The following SAMMSON variants were observed in gnomAD, a reference collection of about 807,000 sequenced individuals.
SAMMSON encodes long intergenic non-protein coding RNA 1212.
intron 4 of SAMMSON, among the ~76,000 whole-genome samples, chr3:70,148,314 A>G (rs1200754751): frequency 1.3e-5 from 2 of 152,122 alleles, no homozygotes; most frequent in African/African-American, 2.4e-5. Context: ...AGTTCACACA[A>G]GAAACTACAC....
At chr3:70,104,719 C>G (rs2067360183) in intron 4 of SAMMSON, among the ~76,000 whole-genome samples, 1 of 152,104 alleles carries the variant, frequency 6.6e-6, no homozygotes, top group African/African-American at 2.4e-5. Context: ...CAGAAACTTG[C>G]TTTTGTGGCA....
At chr3:70,406,794 A>G (rs1477001825) in intron 2 of SAMMSON, among the ~76,000 whole-genome samples, 1 of 152,212 alleles carries the variant, frequency 6.6e-6, no homozygotes, top group Non-Finnish European at 1.5e-5. Flanking sequence ...AGGCAGTAAA[A>G]GAGGTAAAAG....
At chr3:70,082,173 C>G (rs982942555) in intron 4 of SAMMSON, among the ~76,000 whole-genome samples, 1 of 152,130 alleles carries the variant, frequency 6.6e-6, no homozygotes, top group Non-Finnish European at 1.5e-5. Context: ...GTTTGGAGAT[C>G]ATGGAGTGAA....
intron 6 of SAMMSON, among the ~76,000 whole-genome samples, chr3:70,264,065 C>T (rs1701892485): frequency 6.6e-6 from 1 of 152,144 alleles, no homozygotes; most frequent in African/African-American, 2.4e-5. Context: ...CATCTTGTGT[C>T]TAGCACAATC....
At chr3:70,387,401 G>A (rs1575638968) in intron 9 of SAMMSON, among the ~76,000 whole-genome samples, 1 of 152,114 alleles carries the variant, frequency 6.6e-6, no homozygotes. Flanking sequence ...CTGCAATGAT[G>A]GTGTTTGTAA....
chr3:70,257,312 T>C (rs942156218), intron 6 of SAMMSON, among the ~76,000 whole-genome samples: 1 of 152,188 alleles, frequency 6.6e-6, no homozygotes, highest in Non-Finnish European at 1.5e-5. Context: ...AATGGAGATA[T>C]TGGGGAAGAA....
chr3:70,034,641 C>T (rs537280890), intron 3 of SAMMSON, among the ~76,000 whole-genome samples: 1 of 152,030 alleles, frequency 6.6e-6, no homozygotes, highest in African/African-American at 2.4e-5. Context: ...GTCAGGAGTT[C>T]GAGACCAGCC....
intron 7 of SAMMSON, among the ~76,000 whole-genome samples, chr3:70,336,859 G>GTGT (rs1553656690): frequency 7.6e-5 from 9 of 119,130 alleles, no homozygotes; most frequent in South Asian, 3.0e-4. Flanking sequence ...TGTGTGTGTG[G>GTGT]AGAGAGAGAG....
intron 7 of SAMMSON, among the ~76,000 whole-genome samples, chr3:70,318,735 C>A (rs1293348266): frequency 6.6e-6 from 1 of 151,988 alleles, no homozygotes; most frequent in Non-Finnish European, 1.5e-5. Context: ...AGAGTCTGGA[C>A]AATGCTGTGT....
Position 70,078,305 on chromosome 3 carries a change from T to A in SAMMSON, n.507+6740T>A, listed in dbSNP as rs929327264. 3.3e-5 allele frequency among the ~76,000 whole-genome samples: 5 copies of A among 152,250 alleles called. No homozygotes were observed. In the South Asian group the frequency reaches 1.0e-3, roughly 32 times the overall value. On this transcript the variant is annotated intron_variant and non_coding_transcript_variant, in intron 4 of 9. Transcript: ENST00000642114. ...CAGTTAGATAGCAAAAATCTGTAAT[T>A]CTCAGACTCTCTTGCAGCTAGGGTT...
At chr3:70,183,495 T>A (rs1472144413) in intron 4 of SAMMSON, 1 of 152,172 alleles carries the variant, frequency 6.6e-6, no homozygotes, top group African/African-American at 2.4e-5. Flanking sequence ...AATTAGTTAA[T>A]TTGGAGCAGA....
chr3:70,135,029 T>C (rs946129601), intron 4 of SAMMSON, among the ~76,000 whole-genome samples: 1 of 152,306 alleles, frequency 6.6e-6, no homozygotes, highest in Non-Finnish European at 1.5e-5. Context: ...TTATCTGCAC[T>C]AAAGAATCAT....
intron 4 of SAMMSON, among the ~76,000 whole-genome samples, chr3:70,141,671 A>C (rs866286431): frequency 1.3e-5 from 2 of 152,206 alleles, no homozygotes; most frequent in Non-Finnish European, 2.9e-5. Context: ...TACATTTCCC[A>C]AACAGTTTCA....
At chr3:70,186,215 A>AT (rs1701090485) in intron 4 of SAMMSON, among the ~76,000 whole-genome samples, 1 of 152,134 alleles carries the variant, frequency 6.6e-6, no homozygotes, top group South Asian at 2.1e-4. Flanking sequence ...CATTCATTGT[A>AT]TAAAAAAAAC....
At chr3:70,284,302 A>C (rs978735807) in intron 6 of SAMMSON, among the ~76,000 whole-genome samples, 1 of 152,174 alleles carries the variant, frequency 6.6e-6, no homozygotes, top group Non-Finnish European at 1.5e-5. Flanking sequence ...CTGCTCTACA[A>C]TTTTATAGAG....
intron 7 of SAMMSON, among the ~76,000 whole-genome samples, chr3:70,338,595 TAC>T (rs1178872673): frequency 6.6e-6 from 1 of 152,124 alleles, no homozygotes; most frequent in Non-Finnish European, 1.5e-5. Context: ...CAAGCATTCC[TAC>T]ACACCAATAA....
intron 6 of SAMMSON, among the ~76,000 whole-genome samples, chr3:70,256,059 T>A (rs548973306): frequency 2.2e-4 from 33 of 152,308 alleles, no homozygotes; most frequent in African/African-American, 6.7e-4. Flanking sequence ...TTGATACACA[T>A]AGTAACAATA....
At chr3:70,096,520 G>C (rs576973601) in intron 4 of SAMMSON, among the ~76,000 whole-genome samples, 2 of 152,266 alleles carry the variant, frequency 1.3e-5, no homozygotes, top group South Asian at 4.1e-4. Flanking sequence ...CTCCAGCCTA[G>C]GCCACAGAGT....
chr3:70,187,499 G>A (rs1024624907), intron 4 of SAMMSON, among the ~76,000 whole-genome samples: 25 of 140,354 alleles, frequency 1.8e-4, no homozygotes, highest in Admixed American at 1.5e-3. Flanking sequence ...GTGCAGTGGC[G>A]CGATCTCGAC....
Sources: allele counts gnomAD v4.1 joint callset (sites outside exome capture counted in the v4.1 genomes callset), GRCh38; gene constraint gnomAD v4.1.1; transcripts MANE v1.5; gene names NCBI Gene and HGNC (gene_info 2026-07-23, HGNC 2026-07-21).